Variants in ING5 observed in about 807,000 individuals in gnomAD.
The protein encoded by ING5 is inhibitor of growth family member 5, also known as inhibitor of growth protein 5.
ING5 carries 17 observed loss-of-function variants against 37.4 expected under a neutral mutation model. The ratio of observed to expected loss-of-function variants is 0.45; its 90% CI spans 0.31 to 0.68. The LOEUF is 0.68. ING5 is among the 30% of genes least tolerant of loss of function. ING5 has a pLI of 0.05. For synonymous variants in ING5, 123 were observed against 116.6 expected, an observed-to-expected ratio of 1.06 and a Z score of -0.36; for missense variants, 233 against 311.9, an observed-to-expected ratio of 0.75 and a Z score of 1.91.
At chr2:241,722,689 T>G (rs1475470038) in intron 5 of ING5, 1 of 985,344 alleles carries the variant, frequency 1.0e-6, no homozygotes, top group Non-Finnish European at 1.2e-6. Context: ...AGGTGTGTAT[T>G]CAGTTAGTGC....
intron 5 of ING5, chr2:241,720,208 G>A: frequency 8.1e-7 from 1 of 1,232,796 alleles, no homozygotes; most frequent in Non-Finnish European, 1.0e-6. Context: ...CTGGGTGTGT[G>A]CAGGAGCCCG....
intron 5 of ING5, chr2:241,719,686 G>A: frequency 2.6e-6 from 4 of 1,524,310 alleles, no homozygotes; most frequent in Non-Finnish European, 3.5e-6. Flanking sequence ...CCCTGTTGGG[G>A]TCGGGGCTTC....
At chr2:241,702,703 T>G (rs1396048525) in intron 1 of ING5, among the ~76,000 whole-genome samples, 1 of 152,180 alleles carries the variant, frequency 6.6e-6, no homozygotes, top group Non-Finnish European at 1.5e-5. Context: ...GCTGTGCTGT[T>G]TCCAGGTGGC....
At chr2:241,698,343 G>T (rs2069660611), upstream of ING5, among the ~76,000 whole-genome samples, 1 of 152,050 alleles carries the variant, frequency 6.6e-6, no homozygotes, top group Non-Finnish European at 1.5e-5. Flanking sequence ...TACTCAGGAG[G>T]CTGAGGCGGG....
At chr2:241,723,947 C>T (rs1353333446) in intron 7 of ING5, 1 of 1,261,184 alleles carries the variant, frequency 7.9e-7, no homozygotes, top group African/African-American at 1.5e-5. Flanking sequence ...AAGTCCGAGG[C>T]TTCAGTGAGC....
chr2:241,691,366 G>C (rs1459557986), intron 2 of ING5, among the ~76,000 whole-genome samples: 1 of 152,040 alleles, frequency 6.6e-6, no homozygotes, highest in Non-Finnish European at 1.5e-5. Context: ...TTGAACCTGG[G>C]AGGTGGAGGT....
rs1239051851 is a variant in ING5, at chr2:241,709,216, A to C, written c.110A>C (p.Asp37Ala). The change falls in exon 3 of 8, where the codon GAT (aspartate) becomes GCT (alanine). Residue 37 changes from aspartate (D) to alanine (A), a missense_variant and splice_region_variant. Asp to Ala is a moderately radical substitution (Grantham distance 126, BLOSUM62 -2). This residue lies in a region of ING5 where 93 missense variants were observed against 99.7 expected (regional missense o/e 0.93). Transcript: ENST00000313552. The stretch of plus-strand genomic sequence containing the variant: ...AGCTTTTCCCCCATTTCTCCATCAG[A>C]TAAGAAAGCAGAGATTGACATCCTG... ...LMRELDQRTEDKKAEIDILAA... is the reference protein window; with the variant it reads ...LMRELDQRTEAKKAEIDILAA... The C allele has an allele frequency of 6.2e-7, 1 of 1,609,296 alleles. No individual in the cohort carries two copies. Among genetic ancestry groups the C allele is most frequent in the South Asian group, 1.1e-5 (1 of 90,622 alleles).
intron 5 of ING5, among the ~76,000 whole-genome samples, chr2:241,713,989 C>CA (rs781230058): frequency 0.016 from 1,721 of 104,414 alleles, 27 homozygotes; most frequent in African/African-American, 0.05. Context: ...AACTCCGTCT[C>CA]AAAAAAAAAA....
At chr2:241,697,956 G>T (rs113662771), upstream of ING5, among the ~76,000 whole-genome samples, 3 of 152,112 alleles carry the variant, frequency 2.0e-5, no homozygotes, top group African/African-American at 7.2e-5. Flanking sequence ...GGTGGTGCCT[G>T]CCTGTAATCC....
Position 241,725,724 on chromosome 2 carries a change from C to CG in ING5, c.*694dup, listed in dbSNP as rs1188379228. On this transcript the variant is annotated 3_prime_UTR_variant, in exon 8 of 8. Transcript: ENST00000313552. Reference sequence around the variant, plus strand: ...GGCCGCAGGTCCCGTGACCAGCACCCGCGAGACCCTGTGCGACAGCTGGGC... The same window carrying CG: ...GGCCGCAGGTCCCGTGACCAGCACCCGGCGAGACCCTGTGCGACAGCTGGGC... The CG allele has an allele frequency of 6.6e-6, 1 of 152,634 alleles. No homozygotes were observed. Among genetic ancestry groups the CG allele is most frequent in the African/African-American group, 2.4e-5 (1 of 41,458 alleles). The allele number at this position is 152,634 out of a possible 1,614,324, so 9.5% of individuals were successfully genotyped here. A position where few individuals can be genotyped will look rare whatever the true frequency, so the allele number is the denominator to read the frequency against.
At chr2:241,699,042 G>A (rs373007757), upstream of ING5, among the ~76,000 whole-genome samples, 5 of 148,936 alleles carry the variant, frequency 3.4e-5, no homozygotes, top group South Asian at 2.1e-4. Context: ...TTTTTTTGGG[G>A]GGGGAGGGGT....
chr2:241,719,277 C>T (rs532120695), intron 5 of ING5, among the ~76,000 whole-genome samples: 40 of 152,350 alleles, frequency 2.6e-4, no homozygotes, highest in African/African-American at 8.4e-4. Context: ...GGGACGCGGC[C>T]GCCATGTGTG....
intron 6 of ING5, 25 bp downstream of exon 6, chr2:241,723,099 G>A (rs377751058): frequency 1.4e-5 from 22 of 1,614,088 alleles, no homozygotes; most frequent in South Asian, 7.7e-5. Context: ...CAGGATTCGC[G>A]CCATGGGGCG....
rs765054319 is a variant in ING5, at chr2:241,714,005, AT to A, written c.482+1935del. ...ACTCCGTCTCAAAAAAAAAAAAAAA[AT>A]CCCAACATTCTCGTATTGTAAAGTA... On this transcript the variant is annotated intron_variant, in intron 5 of 7. Transcript: ENST00000313552. Among the ~76,000 whole-genome samples the A allele has an allele frequency of 9.7e-3, 1,476 of 151,702 alleles. 20 individuals carry two copies. The highest frequency in any genetic ancestry group is 0.033 in the African/African-American group (1,376 of 41,178).
At chr2:241,704,598 T>C in intron 1 of ING5, 55 bp from the exon 2 acceptor site, 1 of 1,396,812 alleles carries the variant, frequency 7.2e-7, no homozygotes, top group Non-Finnish European at 1.0e-6. Context: ...CCTTTGGAGG[T>C]GAATTTTTGT....
At chr2:241,687,192 C>T (rs920934271) in exon 1 of ING5, 1 of 394,908 alleles carries the variant, frequency 2.5e-6, no homozygotes, top group Non-Finnish European at 4.5e-6. Flanking sequence ...CTCGTTGGCC[C>T]CTGGCTGCGC....
intron 1 of ING5, 111 bp downstream of exon 1, chr2:241,702,213 G>A: frequency 2.8e-6 from 1 of 352,602 alleles, no homozygotes; most frequent in Non-Finnish European, 4.0e-6. Context: ...GGAGGGCGGC[G>A]GGCGCGGCCG....
Position 241,725,848 on chromosome 2 carries a change from T to C in ING5, c.*817T>C, listed in dbSNP as rs1691600808. 6.6e-6 allele frequency: 1 copy of C among 152,580 alleles called. No individual in the cohort carries two copies. The highest frequency in any genetic ancestry group is 2.4e-5 in the African/African-American group (1 of 41,438). 9.5% of individuals were successfully genotyped at this position (152,580 alleles called of 1,614,324 possible). On this transcript the variant is annotated 3_prime_UTR_variant, in exon 8 of 8. Coordinates refer to ENST00000313552, the MANE Select transcript of ING5 (RefSeq NM_032329.6). ...TGGGTCTGTGTGTCCGTGAAGTGAG[T>C]CCCGTCTGCCAGGAGCTGACGAACC... is the stretch of plus-strand genomic sequence containing the variant.
upstream of ING5, among the ~76,000 whole-genome samples, chr2:241,700,139 T>G (rs1575117842): frequency 6.8e-6 from 1 of 147,500 alleles, no homozygotes; most frequent in Non-Finnish European, 1.5e-5. Context: ...CCAGCCATTA[T>G]GCCCGGCTAA....
Sources: allele counts gnomAD v4.1 joint callset (sites outside exome capture counted in the v4.1 genomes callset), GRCh38; gene constraint gnomAD v4.1.1; regional missense constraint gnomAD v4.1.1; transcripts MANE v1.5; gene names NCBI Gene and HGNC (gene_info 2026-07-23, HGNC 2026-07-21).